CPNE7: variants seen among roughly 807,000 people sequenced by gnomAD.
CPNE7 encodes the protein copine 7.
CPNE7 carries 78 observed loss-of-function variants against 66.5 expected under a neutral mutation model. The observed-to-expected ratio is 1.17, with a 90% confidence interval of 0.98 to 1.42. CPNE7 has a LOEUF of 1.42. CPNE7 is among the 40% of genes most tolerant of loss of function. The pLI is 0.00. For synonymous variants in CPNE7, 468 were observed against 336.7 expected (o/e 1.39, Z -4.27); for missense variants, 1,012 against 776.6 (o/e 1.30, Z -3.60).
In CPNE7 at chr16:89,585,590, G is replaced by A. The variant is rs551996338; in HGVS notation, c.681+37G>A. ...GATGGACCAAGGGGGCAGTGAGGGG[G>A]TGGCCTGGATGTGGGCTGCGATGGA... On this transcript the variant is annotated intron_variant, in intron 6 of 14. Coordinates refer to ENST00000319518, the MANE Select transcript of CPNE7 (RefSeq NM_153636.3). The A allele has an allele frequency of 6.9e-6, 11 of 1,586,472 alleles. No individual in the cohort carries two copies. The African/African-American group carries it at 1.1e-4, about 16-fold the overall frequency.
At position 89,596,719 on chromosome 16, in the gene CPNE7, A is replaced by G; in HGVS notation, c.*98A>G. ...TCCCTTAAGCTCCCTCCGACCTCCC[A>G]GAAGCCTCCAGTCCCCACCAGGCCC... On this transcript the variant is annotated 3_prime_UTR_variant, in exon 15 of 15. Transcript: ENST00000319518. 7.5e-7 allele frequency: 1 copy of G among 1,327,778 alleles called. No individual in the cohort carries two copies. The highest frequency in any genetic ancestry group is 2.9e-5 in the East Asian group (1 of 34,704). 82.2% of individuals were successfully genotyped at this position (1,327,778 alleles called of 1,614,324 possible).
At chr16:89,587,135 TCAGTCCGTGGCCCCGCCCCGCCC>T (rs2059058491) in intron 9 of CPNE7, 33 bp downstream of exon 9, 2 of 559,232 alleles carry the variant, frequency 3.6e-6, no homozygotes, top group African/African-American at 1.5e-4. Flanking sequence ...TGCCGCCCCC[TCAGTCCGTGGCCCCGCCCCGCCC>T]CGCCCCCTCA....
At chr16:89,590,485 A>G (rs969016279) in intron 11 of CPNE7, among the ~76,000 whole-genome samples, 5 of 152,076 alleles carry the variant, frequency 3.3e-5, no homozygotes, top group Non-Finnish European at 1.5e-5. Context: ...AGATCGCACC[A>G]CTGCAGTCCA....
chr16:89,592,368 C>T (rs200354165), intron 13 of CPNE7, among the ~76,000 whole-genome samples: 11 of 151,492 alleles, frequency 7.3e-5, no homozygotes, highest in East Asian at 1.9e-4. Flanking sequence ...TCCTGCAACC[C>T]GTGAGGCCAA....
intron 5 of CPNE7, among the ~76,000 whole-genome samples, chr16:89,585,148 G>C (rs1020102369): frequency 6.6e-6 from 1 of 152,244 alleles, no homozygotes; most frequent in Non-Finnish European, 1.5e-5. Flanking sequence ...CAGGGAGAGA[G>C]TGCTTTCTTT....
At chr16:89,586,561 C>G in intron 7 of CPNE7, 109 bp from the exon 8 acceptor site, 3 of 847,796 alleles carry the variant, frequency 3.5e-6, no homozygotes, top group South Asian at 3.0e-5. Flanking sequence ...CCTCCCCTCC[C>G]CACCACGGGG....
Position 89,596,732 on chromosome 16 carries a change from C to A in CPNE7, c.*111C>A. The A allele has an allele frequency of 1.6e-6, 2 of 1,217,686 alleles. No homozygotes were observed. The highest frequency in any genetic ancestry group is 2.1e-6 in the Non-Finnish European group (2 of 931,256). 75.4% of individuals were successfully genotyped at this position (1,217,686 alleles called of 1,614,324 possible). A position where few individuals can be genotyped will look rare whatever the true frequency, so the allele number is the denominator to read the frequency against. On this transcript the variant is annotated 3_prime_UTR_variant, in exon 15 of 15. Coordinates refer to ENST00000319518, the MANE Select transcript of CPNE7 (RefSeq NM_153636.3). ...CTCCGACCTCCCAGAAGCCTCCAGT[C>A]CCCACCAGGCCCCACTCCCAGTCCT...
At chr16:89,595,757 A>G in intron 14 of CPNE7, 154 bp downstream of exon 14, 1 of 765,952 alleles carries the variant, frequency 1.3e-6, no homozygotes, top group Non-Finnish European at 2.3e-6. Context: ...AGTCAAGAGC[A>G]GTATCTGAAG....
intron 2 of CPNE7, among the ~76,000 whole-genome samples, chr16:89,580,889 C>T (rs563640395): frequency 1.3e-4 from 19 of 146,122 alleles, no homozygotes; most frequent in African/African-American, 4.6e-4. Flanking sequence ...CATCACCCGT[C>T]ACACGGAACA....
At chr16:89,590,263 G>A (rs1015367176) in intron 11 of CPNE7, among the ~76,000 whole-genome samples, 1 of 152,186 alleles carries the variant, frequency 6.6e-6, no homozygotes, top group Non-Finnish European at 1.5e-5. Flanking sequence ...GGTGGCTCAC[G>A]CCTGTAATCC....
chr16:89,583,023 G>T (rs1244332908), intron 2 of CPNE7, among the ~76,000 whole-genome samples: 1 of 152,210 alleles, frequency 6.6e-6, no homozygotes, highest in African/African-American at 2.4e-5. Context: ...CCTGTCATCC[G>T]CCACCCACCC....
chr16:89,578,997 G>A (rs778080861), intron 2 of CPNE7: 4 of 1,595,402 alleles, frequency 2.5e-6, no homozygotes, highest in South Asian at 1.1e-5. Flanking sequence ...TTTTATTGAG[G>A]TAAAATTTAC....
intron 9 of CPNE7, chr16:89,587,860 ACAGATACACGGCCCCCCGTGTCACCCG>A (rs1567961199): frequency 1.3e-4 from 7 of 52,070 alleles, no homozygotes; most frequent in African/African-American, 5.0e-4. Flanking sequence ...CGTGTTACCC[ACAGATACACGGCCCCCCGTGTCACCCG>A]CGTGTCACCC....
At position 89,591,122 on chromosome 16, in the gene CPNE7, C is replaced by A. The variant is rs375005058; in HGVS notation, c.1169-5C>A. Reference sequence around the variant, plus strand: ...GGGGCCGGGCTCACCCCCTGCCCCCCACAGGCATCCAGGGCGTGGTGGAGG... The same window carrying A: ...GGGGCCGGGCTCACCCCCTGCCCCCAACAGGCATCCAGGGCGTGGTGGAGG... On this transcript the variant is annotated splice_polypyrimidine_tract_variant and splice_region_variant and intron_variant, in intron 12 of 14. Coordinates refer to ENST00000319518, the MANE Select transcript of CPNE7 (RefSeq NM_153636.3). 2.0e-5 allele frequency: 33 copies of A among 1,612,458 alleles called. No homozygotes were observed. Among genetic ancestry groups the A allele is most frequent in the East Asian group, 1.3e-4 (6 of 44,860 alleles).
chr16:89,587,410 G>A (rs1401236116), intron 9 of CPNE7: 2 of 323,770 alleles, frequency 6.2e-6, no homozygotes, highest in Non-Finnish European at 1.2e-5. Flanking sequence ...GGTTCCCCGT[G>A]AGCCGATGTC....
At chr16:89,589,327 C>T (rs945847520) in intron 10 of CPNE7, among the ~76,000 whole-genome samples, 2 of 152,192 alleles carry the variant, frequency 1.3e-5, no homozygotes, top group African/African-American at 4.8e-5. Flanking sequence ...GGCTGGGTAG[C>T]CCTACTGGAG....
chr16:89,589,844 G>A lies in CPNE7; in HGVS notation c.1062-53G>A, dbSNP rs1284840873. ...TCATGTCTCCCTAGAAGTGGCCCCT[G>A]TTGCAGCCACAAGAGGTCAGGGCCT... On this transcript the variant is annotated intron_variant, in intron 10 of 14. Transcript: ENST00000319518. 4.3e-5 allele frequency: 69 copies of A among 1,599,282 alleles called. No individual in the cohort carries two copies. The Admixed American group carries it at 4.5e-4, about 10-fold the overall frequency.
At chr16:89,595,213 G>T (rs557309357) in intron 13 of CPNE7, among the ~76,000 whole-genome samples, 154 bp from the exon 14 acceptor site, 1 of 152,158 alleles carries the variant, frequency 6.6e-6, no homozygotes, top group Non-Finnish European at 1.5e-5. Flanking sequence ...ACTGTTGTTC[G>T]TGATGTTTGT....
chr16:89,596,431 G>T, intron 14 of CPNE7, 53 bp from the exon 15 acceptor site: 2 of 1,561,346 alleles, frequency 1.3e-6, no homozygotes, highest in East Asian at 2.3e-5. Context: ...TGCAGGGACG[G>T]ATGATCTCCA....
Sources: gnomAD v4.1 joint callset for allele counts (sites outside exome capture counted in the v4.1 genomes callset) on GRCh38, gnomAD v4.1.1 for gene constraint, MANE v1.5 for transcripts, NCBI Gene and HGNC (gene_info 2026-07-23, HGNC 2026-07-21) for gene names.